Variants in ADD3 observed in about 807,000 individuals in gnomAD.
The protein encoded by ADD3 is adducin 3, also known as gamma-adducin.
ADD3 carries 25 observed loss-of-function variants against 80.2 expected under a neutral mutation model. That is an observed-to-expected ratio of 0.31 (90% CI 0.23 to 0.44). ADD3 has a LOEUF of 0.44. ADD3 is among the 20% of genes least tolerant of loss of function. The probability of loss-of-function intolerance (pLI) is 1.00; values close to 1 mark genes in which losing one functional copy is unlikely to be tolerated. For synonymous variants in ADD3, 284 were observed against 289.6 expected (o/e 0.98, Z 0.20); for missense variants, 829 against 847.5 (o/e 0.98, Z 0.27).
chr10:110,098,893 G>A (rs777494799), intron 1 of ADD3, among the ~76,000 whole-genome samples: 21 of 152,040 alleles, frequency 1.4e-4, no homozygotes, highest in Non-Finnish European at 2.8e-4. Context: ...CTCCCAAAGT[G>A]CTGCGATTAT....
chr10:110,068,462 G>T (rs1844262193), intron 1 of ADD3, among the ~76,000 whole-genome samples: 1 of 152,162 alleles, frequency 6.6e-6, no homozygotes. Flanking sequence ...ATCTAGAGAT[G>T]ATTCAAAGTA....
At position 110,121,194 on chromosome 10, in the gene ADD3, G is replaced by A. The variant is rs547502316; in HGVS notation, c.961-916G>A. Among the ~76,000 whole-genome samples the A allele has an allele frequency of 8.5e-5, 13 of 152,132 alleles. No individual in the cohort carries two copies. The South Asian group carries it at 1.5e-3, about 17-fold the overall frequency. On this transcript the variant is annotated intron_variant, in intron 8 of 14. Coordinates refer to ENST00000356080, the MANE Select transcript of ADD3 (RefSeq NM_016824.5). ...GGCCCTAATTTTCTCTTTAAATCAA[G>A]CAGATTTGGCCAGGCACGGTAGCTC...
intron 1 of ADD3, among the ~76,000 whole-genome samples, chr10:110,028,486 A>G (rs1589782679): frequency 6.6e-6 from 1 of 151,990 alleles, no homozygotes; most frequent in Non-Finnish European, 1.5e-5. Context: ...AATTGCTTGA[A>G]CCCAGGAGGC....
rs1217762575 is a variant in ADD3 at position 110,100,899 on chromosome 10, TATA to T, written c.195+56_195+58del. The T allele has an allele frequency of 2.0e-6, 3 of 1,492,548 alleles. No individual in the cohort carries two copies. The Admixed American group carries it at 6.8e-5, about 34-fold the overall frequency. 92.5% of individuals were successfully genotyped at this position (1,492,548 alleles called of 1,614,324 possible). On this transcript the variant is annotated intron_variant, in intron 2 of 14. Transcript: ENST00000356080. ...TTTTCTCCCTCTTTGGAAATGTTAG[TATA>T]ATAAGGTAGAAGTTTTCTCAAACTA... is the stretch of plus-strand genomic sequence containing the variant.
chr10:110,124,324 T>A (rs772939377), intron 10 of ADD3, 50 bp downstream of exon 10: 2 of 1,579,156 alleles, frequency 1.3e-6, no homozygotes, highest in African/African-American at 2.7e-5. Flanking sequence ...TTTGCCTAGT[T>A]ACTCAAGAAT....
intron 1 of ADD3, chr10:110,077,257 C>T (rs181982133): frequency 2.6e-5 from 4 of 152,094 alleles, no homozygotes; most frequent in Admixed American, 2.6e-4. Context: ...GGCTTTATCA[C>T]TCCACTAAGT....
intron 1 of ADD3, among the ~76,000 whole-genome samples, chr10:110,072,486 A>G (rs923464388): frequency 6.6e-6 from 1 of 152,200 alleles, no homozygotes; most frequent in Non-Finnish European, 1.5e-5. Flanking sequence ...AGTTAGTGTA[A>G]GGAGTGCTAT....
chr10:110,116,491 G>A (rs374172729), intron 4 of ADD3, 81 bp downstream of exon 4: 1 of 1,437,536 alleles, frequency 7.0e-7, no homozygotes, highest in East Asian at 2.3e-5. Flanking sequence ...TTACCTGGAA[G>A]TCCAGTTTTC....
At chr10:110,098,963 A>G (rs1848491020) in intron 1 of ADD3, among the ~76,000 whole-genome samples, 1 of 152,030 alleles carries the variant, frequency 6.6e-6, no homozygotes, top group Admixed American at 6.6e-5. Flanking sequence ...TCCATCGCCC[A>G]GACTGGAATG....
intron 1 of ADD3, among the ~76,000 whole-genome samples, chr10:110,088,115 G>A (rs1387364656): frequency 3.3e-5 from 5 of 152,006 alleles, no homozygotes; most frequent in Non-Finnish European, 5.9e-5. Context: ...GATACTAGTC[G>A]TTGGATTTAG....
chr10:110,088,238 A>G (rs1847051561), intron 1 of ADD3, among the ~76,000 whole-genome samples: 1 of 152,186 alleles, frequency 6.6e-6, no homozygotes, highest in African/African-American at 2.4e-5. Flanking sequence ...GACACTATTC[A>G]ACCACTATAG....
intron 1 of ADD3, among the ~76,000 whole-genome samples, chr10:110,053,112 T>C (rs1857719381): frequency 6.6e-6 from 1 of 152,040 alleles, no homozygotes; most frequent in Non-Finnish European, 1.5e-5. Flanking sequence ...GTACAGTAAA[T>C]ACAAGCCAGA....
intron 1 of ADD3, among the ~76,000 whole-genome samples, chr10:110,068,579 A>G (rs1844278773): frequency 6.6e-6 from 1 of 152,316 alleles, no homozygotes; most frequent in East Asian, 1.9e-4. Context: ...CTAATCCCTG[A>G]TGGATACCTA....
chr10:110,026,538 C>A (rs1854331550), intron 1 of ADD3, among the ~76,000 whole-genome samples: 1 of 152,100 alleles, frequency 6.6e-6, no homozygotes, highest in Admixed American at 6.5e-5. Context: ...CCTCGGCCTC[C>A]CAAAGTGCTG....
chr10:110,131,202 T>C (rs2134241456), intron 13 of ADD3, among the ~76,000 whole-genome samples: 1 of 152,336 alleles, frequency 6.6e-6, no homozygotes, highest in African/African-American at 2.4e-5. Flanking sequence ...TTTCTGGCTT[T>C]GGAACCCTTA....
At chr10:110,009,464 T>G (rs528087175) in intron 1 of ADD3, among the ~76,000 whole-genome samples, 1 of 152,296 alleles carries the variant, frequency 6.6e-6, no homozygotes, top group African/African-American at 2.4e-5. Context: ...ATTTGTCGTT[T>G]TCAAGTTAAA....
chr10:110,037,896 G>A (rs989321354), intron 1 of ADD3, among the ~76,000 whole-genome samples: 3 of 151,410 alleles, frequency 2.0e-5, no homozygotes, highest in Admixed American at 1.3e-4. Flanking sequence ...GAGAAACCCC[G>A]TCTCTACTAA....
chr10:110,111,623 A>C (rs1850013615), intron 2 of ADD3, among the ~76,000 whole-genome samples: 1 of 152,178 alleles, frequency 6.6e-6, no homozygotes, highest in African/African-American at 2.4e-5. Context: ...TCCATTAAAA[A>C]ACTGTCATTT....
At chr10:110,033,939 T>C (rs746918010) in intron 1 of ADD3, among the ~76,000 whole-genome samples, 1 of 152,234 alleles carries the variant, frequency 6.6e-6, no homozygotes, top group Non-Finnish European at 1.5e-5. Flanking sequence ...GAAACTACTT[T>C]CTGTACCATC....
Sources: allele counts gnomAD v4.1 joint callset (sites outside exome capture counted in the v4.1 genomes callset), GRCh38; gene constraint gnomAD v4.1.1; transcripts MANE v1.5; gene names NCBI Gene and HGNC (gene_info 2026-07-23, HGNC 2026-07-21).